The following C10orf143 variants were observed in gnomAD, a reference collection of about 807,000 sequenced individuals.
C10orf143 encodes uncharacterized protein C10orf143.
chr10:130,059,704 CTA>C (rs1860833694), downstream of C10orf143, among the ~76,000 whole-genome samples: 1 of 152,106 alleles, frequency 6.6e-6, no homozygotes, highest in Non-Finnish European at 1.5e-5. Context: ...AGCACAAACT[CTA>C]TAATCCAGTT....
intron 3 of C10orf143, among the ~76,000 whole-genome samples, chr10:130,046,910 G>C (rs1280689048): frequency 2.0e-5 from 3 of 152,240 alleles, no homozygotes; most frequent in African/African-American, 4.8e-5. Flanking sequence ...GGCAGTGTGA[G>C]CCCACCCCTG....
chr10:130,062,331 T>C (rs1352628483), downstream of C10orf143, among the ~76,000 whole-genome samples: 1 of 152,096 alleles, frequency 6.6e-6, no homozygotes, highest in Non-Finnish European at 1.5e-5. Context: ...TGTGAGGGTG[T>C]TGCCAAAGGA....
intron 3 of C10orf143, among the ~76,000 whole-genome samples, chr10:130,036,364 G>A (rs1480418294): frequency 6.6e-6 from 1 of 152,172 alleles, no homozygotes; most frequent in East Asian, 1.9e-4. Context: ...AGGCCCTCCT[G>A]TCATAGGACG....
At chr10:130,103,523 G>A (rs949060019) in intron 1 of C10orf143, among the ~76,000 whole-genome samples, 5 of 151,990 alleles carry the variant, frequency 3.3e-5, no homozygotes, top group African/African-American at 9.7e-5. Context: ...ACTTGTACAC[G>A]AGGCCAGGTG....
intron 3 of C10orf143, among the ~76,000 whole-genome samples, chr10:130,036,178 T>C (rs1860543163): frequency 6.6e-6 from 1 of 152,220 alleles, no homozygotes; most frequent in Non-Finnish European, 1.5e-5. Context: ...AACTCCATGT[T>C]TCTCCTGTAT....
intron 1 of C10orf143, among the ~76,000 whole-genome samples, chr10:130,092,216 C>G (rs576911848): frequency 3.3e-5 from 5 of 152,310 alleles, no homozygotes; most frequent in African/African-American, 1.2e-4. Flanking sequence ...CAGCAGATCT[C>G]TCAGCAGAAA....
chr10:130,083,423 T>G (rs1650530394), intron 1 of C10orf143, among the ~76,000 whole-genome samples: 1 of 152,132 alleles, frequency 6.6e-6, no homozygotes, highest in Non-Finnish European at 1.5e-5. Flanking sequence ...AACATACACC[T>G]CCAACGATAT....
intron 1 of C10orf143, chr10:130,106,665 C>A: frequency 1.6e-6 from 2 of 1,230,916 alleles, no homozygotes; most frequent in Non-Finnish European, 2.4e-6. Context: ...CTGAAGATAG[C>A]AATAAAAGAT....
At chr10:130,060,822 C>CAAAA (rs11312813), downstream of C10orf143, among the ~76,000 whole-genome samples, 2 of 53,358 alleles carry the variant, frequency 3.7e-5, no homozygotes, top group Non-Finnish European at 7.2e-5. Context: ...GACTCCGTCT[C>CAAAA]AAAAAAAAAA....
chr10:130,097,206 C>T (rs554895040), intron 1 of C10orf143, among the ~76,000 whole-genome samples: 12 of 152,056 alleles, frequency 7.9e-5, no homozygotes, highest in African/African-American at 2.9e-4. Flanking sequence ...GTAATTTCCC[C>T]AATGAAGATA....
chr10:130,045,252 T>C (rs1246706990), intron 3 of C10orf143, among the ~76,000 whole-genome samples: 1 of 152,232 alleles, frequency 6.6e-6, no homozygotes, highest in African/African-American at 2.4e-5. Flanking sequence ...GGCAGGCACC[T>C]CGCCAGGCAT....
intron 1 of C10orf143, 30 bp from the exon 2 acceptor site, chr10:130,079,931 G>T: frequency 5.0e-6 from 2 of 398,580 alleles, no homozygotes; most frequent in Non-Finnish European, 8.8e-6. Context: ...ACTTTAGATG[G>T]TCTCATAAAG....
At chr10:130,092,804 C>A (rs2147755) in intron 1 of C10orf143, among the ~76,000 whole-genome samples, 21,067 of 151,144 alleles carry the variant, frequency 0.14, 2,725 homozygotes, top group African/African-American at 0.33. Flanking sequence ...CAATGAAGAT[C>A]AAAAAAAAGA....
downstream of C10orf143, among the ~76,000 whole-genome samples, chr10:130,063,168 G>A (rs1403983304): frequency 6.6e-6 from 1 of 152,134 alleles, no homozygotes; most frequent in Admixed American, 6.5e-5. Context: ...CAGCTGGAGG[G>A]ACGCGTGCCA....
intron 3 of C10orf143, among the ~76,000 whole-genome samples, chr10:130,074,761 T>C (rs1861088367): frequency 6.6e-6 from 1 of 152,230 alleles, no homozygotes; most frequent in African/African-American, 2.4e-5. Flanking sequence ...CATTTGGAGA[T>C]AAAAAGAAAT....
intron 3 of C10orf143, among the ~76,000 whole-genome samples, chr10:130,039,235 A>G (rs568706484): frequency 6.6e-6 from 1 of 152,232 alleles, no homozygotes; most frequent in African/African-American, 2.4e-5. Context: ...ATACATGGAG[A>G]ATGATTTCTT....
Position 130,106,236 on chromosome 10 carries a change from G to T in C10orf143, c.69+4468C>A, listed in dbSNP as rs61750898. 7 of 1,407,066 alleles carry T rather than the reference G, an allele frequency of 5.0e-6. No homozygotes were observed. The African/African-American group carries it at 8.5e-5, about 17-fold the overall frequency. 87.2% of individuals were successfully genotyped at this position (1,407,066 alleles called of 1,614,324 possible). ...CTCCTTTTTCTGTGGAGAAGTTTTA[G>T]ATCGGTTAGGAGTCGGCTTTATGTG... On this transcript the variant is annotated intron_variant, in intron 1 of 3. Coordinates refer to ENST00000637128, the MANE Select transcript of C10orf143 (RefSeq NM_001355042.2).
intron 1 of C10orf143, among the ~76,000 whole-genome samples, chr10:130,100,655 T>C (rs1861534355): frequency 6.6e-6 from 1 of 152,146 alleles, no homozygotes; most frequent in Non-Finnish European, 1.5e-5. Flanking sequence ...AAAAATCAAA[T>C]GTTATGAGAT....
chr10:130,102,546 T>C (rs982027806), intron 1 of C10orf143, among the ~76,000 whole-genome samples: 2 of 152,220 alleles, frequency 1.3e-5, no homozygotes, highest in African/African-American at 2.4e-5. Flanking sequence ...AGTGCTGGGA[T>C]TAAAGGCGTG....
Sources: allele counts gnomAD v4.1 joint callset (sites outside exome capture counted in the v4.1 genomes callset), GRCh38; gene constraint gnomAD v4.1.1; transcripts MANE v1.5; gene names NCBI Gene and HGNC (gene_info 2026-07-23, HGNC 2026-07-21).